Variants in ZNF28 observed in about 807,000 individuals in gnomAD.
The protein encoded by ZNF28 is zinc finger protein 28.
Under a neutral mutation model 7.2 loss-of-function variants are expected in ZNF28, and 5 were observed. That is an observed-to-expected ratio of 0.70 (90% confidence interval 0.36 to 1.46). The LOEUF (loss-of-function observed/expected upper bound fraction) is 1.46. ZNF28 is among the 40% of genes most tolerant of loss of function. The pLI is 0.03. For synonymous variants in ZNF28, 288 were observed against 292.4 expected, an observed-to-expected ratio of 0.99 and a Z score of 0.15; for missense variants, 879 against 866.6, an observed-to-expected ratio of 1.01 and a Z score of -0.18.
Position 52,798,931 on chromosome 19 carries a change from C to CAT in ZNF28, c.*756_*757insAT. On this transcript the variant is annotated 3_prime_UTR_variant, in exon 4 of 4. Coordinates refer to ENST00000457749, the MANE Select transcript of ZNF28 (RefSeq NM_006969.5). ...TAAAGGCTTTGCCACACTCATTGCA[C>CAT]TTGTAAGGTTTCTCTCCAGTGTGAA... The CAT allele has an allele frequency of 1.4e-6, 2 of 1,427,902 alleles. No individual in the cohort carries two copies. Among genetic ancestry groups the CAT allele is most frequent in the Non-Finnish European group, 9.5e-7 (1 of 1,057,956 alleles). The allele number at this position is 1,427,902 out of a possible 1,614,324, so 88.5% of individuals were successfully genotyped here. A position where few individuals can be genotyped will look rare whatever the true frequency, so the allele number is the denominator to read the frequency against.
At chr19:52,815,101 TTA>T (rs71938117) in intron 2 of ZNF28, among the ~76,000 whole-genome samples, 84,086 of 139,814 alleles carry the variant, frequency 0.6, 29,407 homozygotes, top group Non-Finnish European at 0.72. Flanking sequence ...ATATATATAT[TTA>T]TATATATATA....
At chr19:52,817,097 G>C (rs890277180) in intron 2 of ZNF28, among the ~76,000 whole-genome samples, 3 of 152,104 alleles carry the variant, frequency 2.0e-5, no homozygotes, top group African/African-American at 7.2e-5. Flanking sequence ...AATAGGCCAG[G>C]AACGGTGGCT....
rs1300693890 is a variant in ZNF28, at chr19:52,799,890, T to C, written c.1955A>G (p.Tyr652Cys). The change falls in exon 4 of 4, where the codon TAC becomes TGC. Residue 652 changes from tyrosine to cysteine, a missense_variant. Tyr to Cys is a radical substitution (Grantham distance 194, BLOSUM62 -2). Around this residue, in one of 2 missense-constraint regions of ZNF28, gnomAD observed 864 missense variants for 830.2 expected, o/e 1.04. Transcript: ENST00000457749. ...KTFSQMSSLV[Y>C]HHRLHSGEKP... The stretch of plus-strand genomic sequence containing the variant: ...CTCTCCACTATGAAGCCTATGATGG[T>C]ATACGAGGGATGACATCTGACTGAA... 1.2e-6 allele frequency: 2 copies of C among 1,614,002 alleles called. No homozygotes were observed. The highest frequency in any genetic ancestry group is 1.7e-5 in the Admixed American group (1 of 59,990).
chr19:52,816,864 T>C (rs894461576), intron 2 of ZNF28, among the ~76,000 whole-genome samples: 18 of 132,312 alleles, frequency 1.4e-4, no homozygotes, highest in African/African-American at 4.8e-4. Flanking sequence ...ATAATAATAA[T>C]AATAATAAAA....
rs1030436909 is a variant in ZNF28, at chr19:52,801,360, T to C, written c.485A>G (p.Asn162Ser). 9.3e-6 allele frequency: 15 copies of C among 1,614,100 alleles called. No homozygotes were observed. The highest frequency in any genetic ancestry group is 8.5e-6 in the Non-Finnish European group (10 of 1,180,048). Residue 162 changes from asparagine (N) to serine (S), a missense_variant, in exon 4 of 4, where the codon AAT becomes AGT. Coordinates refer to ENST00000457749, the MANE Select transcript of ZNF28 (RefSeq NM_006969.5). The part of the protein sequence containing the change: ...HIFQPEGKIG[N>S]QVEKSINNAS... ...ATTGTTGATAGACTTCTCAACTTGATTACCAATTTTCCCTTCAGGCTGAAA... is the reference window on the plus strand; with the variant it reads ...ATTGTTGATAGACTTCTCAACTTGACTACCAATTTTCCCTTCAGGCTGAAA...
chr19:52,821,367 A>T (rs2063196096), intron 1 of ZNF28, among the ~76,000 whole-genome samples: 1 of 152,144 alleles, frequency 6.6e-6, no homozygotes, highest in South Asian at 2.1e-4. Context: ...AAGTGTATAC[A>T]TTGCCCTGTA....
chr19:52,802,924 C>T (rs1488140744), intron 3 of ZNF28, among the ~76,000 whole-genome samples: 1 of 150,828 alleles, frequency 6.6e-6, no homozygotes, highest in Non-Finnish European at 1.5e-5. Flanking sequence ...CCATGTCCAG[C>T]TAACTTTTTT....
intron 3 of ZNF28, among the ~76,000 whole-genome samples, chr19:52,807,512 C>T (rs1378694867): frequency 2.0e-5 from 3 of 152,162 alleles, no homozygotes; most frequent in South Asian, 4.1e-4. Flanking sequence ...CTTGCTCTGT[C>T]GTCCGGGCTG....
chr19:52,809,658 T>C (rs747831686), intron 2 of ZNF28, among the ~76,000 whole-genome samples: 5 of 152,080 alleles, frequency 3.3e-5, no homozygotes, highest in African/African-American at 9.6e-5. Flanking sequence ...ATACAAAAAA[T>C]AGCCAGACGT....
intron 3 of ZNF28, among the ~76,000 whole-genome samples, chr19:52,802,139 T>C (rs549384480): frequency 6.6e-6 from 1 of 152,324 alleles, no homozygotes; most frequent in South Asian, 2.1e-4. Context: ...AACAAGCTGT[T>C]GTAAGGATAA....
chr19:52,806,733 C>A (rs1171454995), intron 3 of ZNF28, among the ~76,000 whole-genome samples: 1 of 151,862 alleles, frequency 6.6e-6, no homozygotes, highest in Non-Finnish European at 1.5e-5. Flanking sequence ...GAAACACTGT[C>A]TCTACTAAAA....
chr19:52,808,325 T>C (rs2062964064), intron 2 of ZNF28, among the ~76,000 whole-genome samples, 192 bp from the exon 3 acceptor site: 1 of 152,184 alleles, frequency 6.6e-6, no homozygotes, highest in East Asian at 1.9e-4. Context: ...AGTATGAAAT[T>C]CCTAAGTTTG....
In ZNF28 at chr19:52,799,927, A is replaced by G. The variant is rs1177984338; in HGVS notation, c.1918T>C (p.Cys640Arg). Residue 640 changes from cysteine (C) to arginine (R), a missense_variant, in exon 4 of 4, where the codon TGT becomes CGT. By Grantham distance (180) the Cys-to-Arg change is radical (BLOSUM62 -3). Around this residue, in one of 2 missense-constraint regions of ZNF28, gnomAD observed 864 missense variants for 830.2 expected, o/e 1.04. Transcript: ENST00000457749. Reference protein sequence around the residue: ...TGEKPYKCNECGKTFSQMSSL... With the variant: ...TGEKPYKCNERGKTFSQMSSL... The stretch of plus-strand genomic sequence containing the variant: ...GACATCTGACTGAAGGTCTTGCCAC[A>G]CTCATTACACTTGTAAGGTTTCTCT... 6 of 1,613,822 alleles carry G rather than the reference A, an allele frequency of 3.7e-6. No homozygotes were observed. The highest frequency in any genetic ancestry group is 3.3e-5 in the South Asian group (3 of 91,062).
At position 52,800,086 on chromosome 19, in the gene ZNF28, C is replaced by A. The variant is rs996707803; in HGVS notation, c.1759G>T (p.Ala587Ser). The change falls in exon 4 of 4, where the codon GCT becomes TCT. Residue 587 changes from alanine (A) to serine (S), a missense_variant. By Grantham distance (99) the Ala-to-Ser change is moderately conservative. Transcript: ENST00000457749. ...KPYKCKVCDK[A>S]FRRDSHLAQH... Reference sequence around the variant, plus strand: ...GCCAGGTGTGAATCCCTCCGGAAAGCCTTGTCACAAACCTTACATTTGTAC... The same window carrying A: ...GCCAGGTGTGAATCCCTCCGGAAAGACTTGTCACAAACCTTACATTTGTAC... 6 of 1,613,916 alleles carry A rather than the reference C, an allele frequency of 3.7e-6. No individual in the cohort carries two copies. The highest frequency in any genetic ancestry group is 5.1e-6 in the Non-Finnish European group (6 of 1,179,968).
intron 2 of ZNF28, among the ~76,000 whole-genome samples, chr19:52,817,420 T>A (rs571220359): frequency 6.6e-6 from 1 of 152,158 alleles, no homozygotes; most frequent in Non-Finnish European, 1.5e-5. Flanking sequence ...TATTCATCTA[T>A]GTATGAACAT....
chr19:52,816,825 C>T (rs1274675338), intron 2 of ZNF28, among the ~76,000 whole-genome samples: 4 of 134,158 alleles, frequency 3.0e-5, no homozygotes, highest in African/African-American at 8.2e-5. Flanking sequence ...AGCAAGACTC[C>T]GTTTCAGAAA....
At chr19:52,804,859 T>C (rs1270451918) in intron 3 of ZNF28, among the ~76,000 whole-genome samples, 1 of 152,154 alleles carries the variant, frequency 6.6e-6, no homozygotes, top group East Asian at 1.9e-4. Context: ...AGAAAGAGCA[T>C]CTCATCATCA....
chr19:52,810,817 T>C lies in ZNF28; in HGVS notation c.16-2684A>G, dbSNP rs187385486. On this transcript the variant is annotated intron_variant, in intron 2 of 3. Coordinates refer to ENST00000457749, the MANE Select transcript of ZNF28 (RefSeq NM_006969.5). ...AAGATGACCTTGATGGAAAAAAATA[T>C]ATATATATTTTTAAAAAAAGAGTCC... is the stretch of plus-strand genomic sequence containing the variant. 54 of 322,628 alleles carry C rather than the reference T, an allele frequency of 1.7e-4. 2 individuals carry two copies. In the East Asian group the frequency reaches 3.2e-3, roughly 19 times the overall value. The allele number at this position is 322,628 out of a possible 1,614,324, so 20.0% of individuals were successfully genotyped here.
In ZNF28 at chr19:52,821,360, T is replaced by C. The variant is rs2904236; in HGVS notation, c.-74+226A>G. Among the ~76,000 whole-genome samples, 584 of 151,074 alleles carry C rather than the reference T, an allele frequency of 3.9e-3. 3 individuals carry two copies. The highest frequency in any genetic ancestry group is 0.012 in the African/African-American group (482 of 41,192). On this transcript the variant is annotated intron_variant, in intron 1 of 3. Transcript: ENST00000457749. ...AGCAGGAAAACTACGAGATAGGAAG[T>C]GTATACATTGCCCTGTAGCAGAAAG...
Sources: allele counts gnomAD v4.1 joint callset (sites outside exome capture counted in the v4.1 genomes callset), GRCh38; gene constraint gnomAD v4.1.1; regional missense constraint gnomAD v4.1.1; transcripts MANE v1.5; gene names NCBI Gene and HGNC (gene_info 2026-07-23, HGNC 2026-07-21).